Variants in MEF2C observed in about 807,000 individuals in gnomAD.
MEF2C encodes the protein myocyte-specific enhancer factor 2C.
Under a neutral mutation model 50.5 loss-of-function variants are expected in MEF2C, and 6 were observed. The observed-to-expected ratio is 0.12, with a 90% CI of 0.07 to 0.23. The LOEUF is 0.23. Among genes scored for constraint, MEF2C ranks in the 10% least tolerant of loss-of-function variants. The pLI, the probability that MEF2C is intolerant of heterozygous loss-of-function variation, is 1.00. For missense variants in MEF2C, 276 were observed against 605.0 expected, an observed-to-expected ratio of 0.46 and a Z score of 5.70; for synonymous variants, 183 against 228.0, an observed-to-expected ratio of 0.80 and a Z score of 1.78.
At chr5:88,749,675 A>G (rs931653021) in intron 5 of MEF2C, among the ~76,000 whole-genome samples, 5 of 152,252 alleles carry the variant, frequency 3.3e-5, no homozygotes, top group African/African-American at 4.8e-5. Flanking sequence ...GTATGTTAAA[A>G]TTTGGCAATG....
intron 1 of MEF2C, among the ~76,000 whole-genome samples, chr5:88,830,099 G>C (rs553826545): frequency 1.5e-4 from 23 of 151,932 alleles, no homozygotes; most frequent in Non-Finnish European, 2.8e-4. Flanking sequence ...CATTTATCCT[G>C]TAACAATAAT....
upstream of MEF2C, chr5:88,887,375 G>T (rs1362595978): frequency 6.6e-6 from 1 of 152,158 alleles, no homozygotes; most frequent in African/African-American, 2.4e-5. Context: ...AAAGTGTATG[G>T]TGGTCATTTA....
rs994727841 is a variant in MEF2C, at chr5:88,721,812, G to A, written c.*792C>T. On this transcript the variant is annotated 3_prime_UTR_variant, in exon 11 of 11. Transcript: ENST00000504921. ...TTACAGGACTGTTTAAAATATTAGCGAAGCTATCAAGGGGAAAAAAACACA... is the reference window on the plus strand; with the variant it reads ...TTACAGGACTGTTTAAAATATTAGCAAAGCTATCAAGGGGAAAAAAACACA... 2 of 152,468 alleles carry A rather than the reference G, an allele frequency of 1.3e-5. No individual in the cohort carries two copies. Among genetic ancestry groups the A allele is most frequent in the African/African-American group, 4.8e-5 (2 of 41,424 alleles). The allele number at this position is 152,468 out of a possible 1,614,324, so 9.4% of individuals were successfully genotyped here. A position where few individuals can be genotyped will look rare whatever the true frequency, so the allele number is the denominator to read the frequency against.
intron 8 of MEF2C, among the ~76,000 whole-genome samples, chr5:88,729,695 T>C (rs1388176131): frequency 1.3e-5 from 2 of 152,050 alleles, no homozygotes; most frequent in African/African-American, 4.8e-5. Flanking sequence ...TAAAAAAAAA[T>C]TAAAATCAAC....
intron 5 of MEF2C, chr5:88,750,993 C>T (rs1772468627): frequency 1.4e-6 from 1 of 705,804 alleles, no homozygotes. Flanking sequence ...CTTAGAAATA[C>T]AATTATTTTT....
chr5:88,848,223 C>G (rs1820018743), intron 1 of MEF2C, among the ~76,000 whole-genome samples: 1 of 152,154 alleles, frequency 6.6e-6, no homozygotes, highest in Non-Finnish European at 1.5e-5. Context: ...TGGAGAGAAT[C>G]TGCTGGATTT....
chr5:88,761,564 T>C (rs1308108462), intron 3 of MEF2C, among the ~76,000 whole-genome samples: 1 of 152,026 alleles, frequency 6.6e-6, no homozygotes, highest in Non-Finnish European at 1.5e-5. Flanking sequence ...GAACAGAGGG[T>C]ATAAGGACTC....
chr5:88,744,218 T>A (rs1768245493), intron 6 of MEF2C: 6 of 850,752 alleles, frequency 7.1e-6, no homozygotes, highest in Non-Finnish European at 8.5e-6. Flanking sequence ...CAACCGAACT[T>A]GATCTTACCA....
At chr5:88,732,009 A>G (rs755922277) in intron 6 of MEF2C, 108 bp from the exon 7 acceptor site, 1 of 1,002,480 alleles carries the variant, frequency 1.0e-6, no homozygotes, top group Non-Finnish European at 1.4e-6. Flanking sequence ...TAAGACGTAC[A>G]TTGCAAAACC....
chr5:88,819,345 C>T, intron 2 of MEF2C: 1 of 985,192 alleles, frequency 1.0e-6, no homozygotes, highest in Non-Finnish European at 1.2e-6. Context: ...CCAGTTTTAA[C>T]TGTACAATCT....
At chr5:88,872,034 A>G (rs1180239428) in intron 1 of MEF2C, among the ~76,000 whole-genome samples, 5 of 152,090 alleles carry the variant, frequency 3.3e-5, no homozygotes, top group Non-Finnish European at 7.4e-5. Flanking sequence ...ATTATATGCA[A>G]GAGTTCTTGT....
chr5:88,834,960 A>G (rs1581373723), intron 1 of MEF2C, among the ~76,000 whole-genome samples: 2 of 152,332 alleles, frequency 1.3e-5, no homozygotes, highest in Middle Eastern at 6.8e-3. Context: ...CTGATATTAT[A>G]TAATTTTATA....
At chr5:88,812,361 A>C (rs1803233551) in intron 2 of MEF2C, among the ~76,000 whole-genome samples, 1 of 152,150 alleles carries the variant, frequency 6.6e-6, no homozygotes, top group African/African-American at 2.4e-5. Flanking sequence ...AGCTGAAAAT[A>C]AATTTCTATG....
chr5:88,725,451 C>T (rs544714784), intron 10 of MEF2C, among the ~76,000 whole-genome samples: 154 of 152,180 alleles, frequency 1.0e-3, no homozygotes, highest in African/African-American at 3.5e-3. Flanking sequence ...AATAACTTAA[C>T]TGCATATATG....
At chr5:88,736,740 T>C in intron 6 of MEF2C, 2 of 985,426 alleles carry the variant, frequency 2.0e-6, no homozygotes, top group Non-Finnish European at 2.4e-6. Context: ...CTTAACACAG[T>C]TGAGTCAGTG....
intron 1 of MEF2C, among the ~76,000 whole-genome samples, chr5:88,852,166 C>T (rs1174804494): frequency 1.3e-5 from 2 of 152,106 alleles, no homozygotes; most frequent in Non-Finnish European, 2.9e-5. Context: ...GTATGTTCAA[C>T]ATTGGTTAGT....
chr5:88,869,708 A>C (rs1002773805), intron 1 of MEF2C, among the ~76,000 whole-genome samples: 1 of 151,332 alleles, frequency 6.6e-6, no homozygotes, highest in Admixed American at 6.6e-5. Context: ...TTTTTTATGA[A>C]GACAACAAAA....
chr5:88,754,188 G>A (rs1774158742), intron 4 of MEF2C, among the ~76,000 whole-genome samples: 1 of 152,178 alleles, frequency 6.6e-6, no homozygotes, highest in Non-Finnish European at 1.5e-5. Context: ...AGCAAAGTCA[G>A]GGTATTTTTT....
chr5:88,861,049 A>G (rs1389856129), intron 1 of MEF2C, among the ~76,000 whole-genome samples: 1 of 152,180 alleles, frequency 6.6e-6, no homozygotes, highest in Non-Finnish European at 1.5e-5. Context: ...CTCACAGATG[A>G]AAAAAAGCAG....
Sources: gnomAD v4.1 joint callset for allele counts (sites outside exome capture counted in the v4.1 genomes callset) on GRCh38, gnomAD v4.1.1 for gene constraint, MANE v1.5 for transcripts, NCBI Gene and HGNC (gene_info 2026-07-23, HGNC 2026-07-21) for gene names.